Variants in MSRA observed in about 807,000 individuals in gnomAD.
MSRA encodes the protein methionine sulfoxide reductase A.
Under a neutral mutation model 31.3 loss-of-function variants are expected in MSRA, and 54 were observed. The observed-to-expected ratio is 1.73, with a 90% CI of 1.39 to 2.17. MSRA has a LOEUF of 2.17. Ranked by LOEUF, MSRA falls within the 30% of genes most tolerant of loss-of-function variation. MSRA has a pLI of 0.00. For synonymous variants in MSRA, 169 were observed against 116.5 expected, an observed-to-expected ratio of 1.45 and a Z score of -2.90; for missense variants, 507 against 300.9, an observed-to-expected ratio of 1.69 and a Z score of -5.07.
intron 5 of MSRA, among the ~76,000 whole-genome samples, chr8:10,392,470 C>T (rs1464250906): frequency 6.6e-6 from 1 of 152,118 alleles, no homozygotes; most frequent in Non-Finnish European, 1.5e-5. Flanking sequence ...TTCCTCCCTC[C>T]AACCTGCTCC....
At chr8:10,277,087 A>G (rs1381085511) in intron 3 of MSRA, among the ~76,000 whole-genome samples, 2 of 152,248 alleles carry the variant, frequency 1.3e-5, no homozygotes, top group Non-Finnish European at 2.9e-5. Flanking sequence ...GATTTTAATA[A>G]TAACAGCAGT....
rs1802168140 is a variant in MSRA at position 10,054,439 on chromosome 8, C to T, written c.-78C>T. 7.1e-7 allele frequency: 1 copy of T among 1,417,310 alleles called. No homozygotes were observed. Among genetic ancestry groups the T allele is most frequent in the South Asian group, 1.4e-5 (1 of 69,302 alleles). 87.8% of individuals were successfully genotyped at this position (1,417,310 alleles called of 1,614,324 possible). A position where few individuals can be genotyped will look rare whatever the true frequency, so the allele number is the denominator to read the frequency against. On this transcript the variant is annotated 5_prime_UTR_variant, in exon 1 of 6. Transcript: ENST00000317173. ...GCCCCCCGGTTCCGGCCGCGGACCCCACTCTCTGCCGTTCCGGCTGCGGCT... is the reference window on the plus strand; with the variant it reads ...GCCCCCCGGTTCCGGCCGCGGACCCTACTCTCTGCCGTTCCGGCTGCGGCT...
At chr8:10,181,075 G>T (rs1217704715) in intron 1 of MSRA, among the ~76,000 whole-genome samples, 1 of 152,194 alleles carries the variant, frequency 6.6e-6, no homozygotes, top group East Asian at 1.9e-4. Flanking sequence ...ACTGGAGATA[G>T]GTGAGAATGA....
At chr8:10,351,908 C>T (rs1804175294) in intron 5 of MSRA, among the ~76,000 whole-genome samples, 1 of 152,226 alleles carries the variant, frequency 6.6e-6, no homozygotes, top group African/African-American at 2.4e-5. Flanking sequence ...TGGACCCTGG[C>T]TGTCCGACGG....
At chr8:10,390,554 T>C (rs893907668) in intron 5 of MSRA, among the ~76,000 whole-genome samples, 5 of 152,190 alleles carry the variant, frequency 3.3e-5, no homozygotes, top group African/African-American at 4.8e-5. Flanking sequence ...TGAAGACTTC[T>C]AGTGAAATCG....
chr8:10,358,474 G>T (rs985801809), intron 5 of MSRA, among the ~76,000 whole-genome samples: 11 of 149,826 alleles, frequency 7.3e-5, no homozygotes, highest in African/African-American at 2.7e-4. Flanking sequence ...TCTGGCCTAT[G>T]GCCTGTTAGG....
At chr8:10,206,136 T>A (rs1438056829) in intron 1 of MSRA, among the ~76,000 whole-genome samples, 2 of 152,170 alleles carry the variant, frequency 1.3e-5, no homozygotes, top group African/African-American at 4.8e-5. Context: ...TCAAGGCAAA[T>A]GTTTTCCAAA....
At chr8:10,111,689 A>G (rs1481188662) in intron 1 of MSRA, among the ~76,000 whole-genome samples, 1 of 152,256 alleles carries the variant, frequency 6.6e-6, no homozygotes, top group Non-Finnish European at 1.5e-5. Flanking sequence ...TTATTGGGCT[A>G]GTATTGCATG....
chr8:10,269,713 T>C (rs2952181), intron 3 of MSRA, among the ~76,000 whole-genome samples: 146,302 of 152,270 alleles, frequency 0.96, 70,482 homozygotes, highest in East Asian at 1. Context: ...TGCAGTGACT[T>C]GATCTCGGCT....
At chr8:10,113,292 C>CTGTTTTTTTTTTTTTTTT (rs1800428667) in intron 1 of MSRA, among the ~76,000 whole-genome samples, 2 of 57,596 alleles carry the variant, frequency 3.5e-5, no homozygotes, top group African/African-American at 7.8e-5. Flanking sequence ...GACAGGTCTT[C>CTGTTTTTTTTTTTTTTTT]TTTTTTTTTT....
intron 5 of MSRA, among the ~76,000 whole-genome samples, chr8:10,376,794 A>G (rs1412226521): frequency 6.6e-6 from 1 of 152,228 alleles, no homozygotes; most frequent in African/African-American, 2.4e-5. Context: ...ACAACTATAC[A>G]AAGTTTGGTT....
intron 2 of MSRA, among the ~76,000 whole-genome samples, chr8:10,239,714 A>G (rs1189449963): frequency 1.3e-5 from 2 of 152,224 alleles, no homozygotes; most frequent in African/African-American, 4.8e-5. Flanking sequence ...TAGGACCTCT[A>G]ACTCTACAGA....
chr8:10,372,154 A>G (rs542760806), intron 5 of MSRA, among the ~76,000 whole-genome samples: 1 of 152,132 alleles, frequency 6.6e-6, no homozygotes, highest in Non-Finnish European at 1.5e-5. Flanking sequence ...TCTTCTCACC[A>G]GGCAGGGCCT....
At chr8:10,236,675 G>A (rs1352054999) in intron 2 of MSRA, among the ~76,000 whole-genome samples, 1 of 152,142 alleles carries the variant, frequency 6.6e-6, no homozygotes, top group African/African-American at 2.4e-5. Context: ...CTCCTGAGTA[G>A]CTGGGACTAC....
intron 1 of MSRA, among the ~76,000 whole-genome samples, chr8:10,108,577 T>C (rs1462139745): frequency 6.6e-6 from 1 of 152,216 alleles, no homozygotes; most frequent in Non-Finnish European, 1.5e-5. Flanking sequence ...CACTGTCATA[T>C]TATTCATGCC....
intron 1 of MSRA, chr8:10,096,303 A>C: frequency 9.0e-7 from 1 of 1,112,206 alleles, no homozygotes; most frequent in Non-Finnish European, 1.1e-6. Flanking sequence ...CTTCGCTTGA[A>C]GGGCAAACAA....
intron 1 of MSRA, among the ~76,000 whole-genome samples, chr8:10,100,679 C>A (rs373074313): frequency 1.3e-5 from 2 of 152,214 alleles, no homozygotes; most frequent in South Asian, 4.2e-4. Context: ...AATAATTGTA[C>A]CACCTCTGCA....
At chr8:10,172,330 G>A (rs1256053129) in intron 1 of MSRA, among the ~76,000 whole-genome samples, 1 of 152,146 alleles carries the variant, frequency 6.6e-6, no homozygotes, top group African/African-American at 2.4e-5. Flanking sequence ...GGTTGGAGGG[G>A]TGGCAAAAGC....
At chr8:10,283,826 T>TATATAC (rs1799776188) in intron 3 of MSRA, among the ~76,000 whole-genome samples, 1 of 68,394 alleles carries the variant, frequency 1.5e-5, no homozygotes, top group Admixed American at 1.8e-4. Flanking sequence ...TATATATATA[T>TATATAC]ATATATATAT....
Sources: allele counts gnomAD v4.1 joint callset (sites outside exome capture counted in the v4.1 genomes callset), GRCh38; gene constraint gnomAD v4.1.1; transcripts MANE v1.5; gene names NCBI Gene and HGNC (gene_info 2026-07-23, HGNC 2026-07-21).